The following PALLD variants were observed in gnomAD, a reference collection of about 807,000 sequenced individuals.
PALLD encodes the protein palladin, cytoskeletal associated protein.
PALLD carries 61 observed loss-of-function variants against 123.5 expected under a neutral mutation model. The observed-to-expected ratio is 0.49, with a 90% confidence interval of 0.40 to 0.61. The LOEUF (loss-of-function observed/expected upper bound fraction) is 0.61. Ranked by LOEUF, PALLD falls within the 20% of genes least tolerant of loss-of-function variation. The pLI is 0.00. For synonymous variants in PALLD, 465 were observed against 496.4 expected (o/e 0.94, Z 0.84); for missense variants, 1,273 against 1,377.0 (o/e 0.92, Z 1.20).
chr4:168,907,014 A>T (rs1757955269), intron 15 of PALLD, among the ~76,000 whole-genome samples: 1 of 152,238 alleles, frequency 6.6e-6, no homozygotes, highest in Admixed American at 6.5e-5. Flanking sequence ...GAACTTTGGC[A>T]TCAGGCAATC....
chr4:168,526,352 C>A (rs965606939), intron 2 of PALLD, among the ~76,000 whole-genome samples: 1 of 152,150 alleles, frequency 6.6e-6, no homozygotes, highest in Non-Finnish European at 1.5e-5. Context: ...CAGAAAAAGA[C>A]CAAACCCAGC....
intron 2 of PALLD, among the ~76,000 whole-genome samples, chr4:168,539,568 AAAATAAATAAAT>A (rs150961800): frequency 0.2 from 29,160 of 145,292 alleles, 3,369 homozygotes; most frequent in African/African-American, 0.31. Flanking sequence ...TCAAAAAATA[AAAATAAATAAAT>A]AAATAAATAA....
intron 2 of PALLD, among the ~76,000 whole-genome samples, chr4:168,597,062 T>C (rs1772063236): frequency 6.6e-6 from 1 of 152,142 alleles, no homozygotes. Flanking sequence ...ATTTGAAGCA[T>C]GATTGACAGA....
At chr4:168,529,941 C>T (rs866529501) in intron 2 of PALLD, among the ~76,000 whole-genome samples, 22 of 152,098 alleles carry the variant, frequency 1.4e-4, no homozygotes, top group African/African-American at 9.7e-5. Flanking sequence ...TATGTGTAAA[C>T]GTCAAACTAA....
chr4:168,886,792 T>C (rs985539847), intron 10 of PALLD, among the ~76,000 whole-genome samples: 3 of 152,170 alleles, frequency 2.0e-5, no homozygotes, highest in African/African-American at 7.2e-5. Flanking sequence ...CCCTTCATAC[T>C]GGTAATCTTG....
intron 2 of PALLD, among the ~76,000 whole-genome samples, chr4:168,631,373 A>G (rs1231410842): frequency 1.3e-5 from 2 of 152,242 alleles, no homozygotes; most frequent in Non-Finnish European, 2.9e-5. Context: ...GAATGCCTCA[A>G]ACCACAGCTG....
chr4:168,722,293 A>G (rs898267818), intron 10 of PALLD, among the ~76,000 whole-genome samples: 26 of 152,206 alleles, frequency 1.7e-4, no homozygotes, highest in Admixed American at 1.4e-3. Context: ...TGGCCTCTCA[A>G]AGTGTTGAGA....
chr4:168,631,796 G>T, intron 2 of PALLD: 1 of 985,452 alleles, frequency 1.0e-6, no homozygotes, highest in Non-Finnish European at 1.2e-6. Context: ...AAACGAGATC[G>T]CATTCAGAGC....
chr4:168,673,946 G>A (rs534886361), intron 3 of PALLD, among the ~76,000 whole-genome samples: 8 of 151,212 alleles, frequency 5.3e-5, no homozygotes, highest in South Asian at 2.1e-4. Context: ...ATGGAGTCTC[G>A]CTCTGTCACT....
chr4:168,814,159 C>A (rs1741581316), intron 10 of PALLD, among the ~76,000 whole-genome samples: 1 of 152,070 alleles, frequency 6.6e-6, no homozygotes, highest in Admixed American at 6.6e-5. Context: ...CCCAAGAAAA[C>A]AATGAGAAAG....
chr4:168,900,579 T>C (rs1756291772), intron 14 of PALLD, among the ~76,000 whole-genome samples: 1 of 152,332 alleles, frequency 6.6e-6, no homozygotes, highest in African/African-American at 2.4e-5. Flanking sequence ...TATAGCTCCA[T>C]GGCATTGTTT....
chr4:168,808,126 A>T (rs558196221), intron 10 of PALLD, among the ~76,000 whole-genome samples: 2 of 152,124 alleles, frequency 1.3e-5, no homozygotes, highest in South Asian at 4.2e-4. Flanking sequence ...CCATGAAAAT[A>T]TAAGAGGAAA....
chr4:168,880,719 A>C (rs1232776208), intron 10 of PALLD, among the ~76,000 whole-genome samples: 6 of 152,218 alleles, frequency 3.9e-5, no homozygotes, highest in Non-Finnish European at 8.8e-5. Flanking sequence ...AGTTATCATA[A>C]GATGTATATA....
intron 2 of PALLD, among the ~76,000 whole-genome samples, chr4:168,575,842 T>C (rs1769513887): frequency 6.6e-6 from 1 of 152,102 alleles, no homozygotes; most frequent in African/African-American, 2.4e-5. Flanking sequence ...AAAAGTTCTC[T>C]CCTCTGGCTG....
chr4:168,547,351 TTG>T (rs749840879), intron 2 of PALLD, among the ~76,000 whole-genome samples: 71 of 150,876 alleles, frequency 4.7e-4, no homozygotes, highest in African/African-American at 1.7e-3. Flanking sequence ...AGTGTGTGTG[TTG>T]TGTGTGTGTG....
At chr4:168,765,793 T>G (rs1362232494) in intron 10 of PALLD, among the ~76,000 whole-genome samples, 5 of 152,224 alleles carry the variant, frequency 3.3e-5, no homozygotes, top group Admixed American at 3.3e-4. Context: ...ACTAGTGAGG[T>G]CAGCAATTCA....
intron 2 of PALLD, among the ~76,000 whole-genome samples, chr4:168,533,731 A>G (rs961034781): frequency 1.3e-5 from 2 of 152,058 alleles, no homozygotes; most frequent in Admixed American, 1.3e-4. Flanking sequence ...AAAGAAAAGG[A>G]CTCATGACAG....
chr4:168,658,444 C>T (rs1265838041), intron 2 of PALLD, among the ~76,000 whole-genome samples: 1 of 151,838 alleles, frequency 6.6e-6, no homozygotes, highest in Non-Finnish European at 1.5e-5. Context: ...GCCACCATGC[C>T]CAGTTAGTTT....
rs141406809 is a variant in PALLD, at chr4:168,719,538, G to A, written c.1964+7615G>A. On this transcript the variant is annotated intron_variant, in intron 10 of 21. Transcript: ENST00000505667. ...GCCTCCTCAAGTGCTAGGATTACAG[G>A]TGTGAGCCACCATGCCCAGCCAAAA... Among the ~76,000 whole-genome samples the A allele has an allele frequency of 4.6e-5, 7 of 152,218 alleles. 1 individual carries two copies. Among genetic ancestry groups the A allele is most frequent in the African/African-American group, 1.7e-4 (7 of 41,540 alleles).
Sources: gnomAD v4.1 joint callset for allele counts (sites outside exome capture counted in the v4.1 genomes callset) on GRCh38, gnomAD v4.1.1 for gene constraint, MANE v1.5 for transcripts, NCBI Gene and HGNC (gene_info 2026-07-23, HGNC 2026-07-21) for gene names.